The following HNRNPD variants were observed in gnomAD, a reference collection of about 807,000 sequenced individuals.
HNRNPD encodes heterogeneous nuclear ribonucleoprotein D0.
HNRNPD carries 3 observed loss-of-function variants against 47.9 expected under a neutral mutation model. The ratio of observed to expected loss-of-function variants is 0.06; its 90% CI spans 0.03 to 0.16. The LOEUF (loss-of-function observed/expected upper bound fraction) is 0.16. HNRNPD is among the 10% of genes least tolerant of loss of function. HNRNPD has a pLI of 1.00. For synonymous variants in HNRNPD, 171 were observed against 165.1 expected (o/e 1.04, Z -0.28); for missense variants, 287 against 454.2 (o/e 0.63, Z 3.35).
intron 1 of HNRNPD, among the ~76,000 whole-genome samples, chr4:82,372,457 G>T (rs183684105): frequency 6.6e-6 from 1 of 152,286 alleles, no homozygotes; most frequent in East Asian, 1.9e-4. Flanking sequence ...GAGGACTACA[G>T]GCCTCCCTTA....
At chr4:82,357,691 A>G (rs1467883816) in intron 4 of HNRNPD, 1 of 296,736 alleles carries the variant, frequency 3.4e-6, no homozygotes, top group Non-Finnish European at 6.2e-6. Context: ...TTTACTACCT[A>G]ACTCAAGGGT....
At chr4:82,371,233 T>C (rs559846930) in intron 2 of HNRNPD, among the ~76,000 whole-genome samples, 1 of 152,350 alleles carries the variant, frequency 6.6e-6, no homozygotes, top group East Asian at 1.9e-4. Flanking sequence ...ATGTGAAGAT[T>C]ACGGTAATAT....
At position 82,356,781 on chromosome 4, in the gene HNRNPD, T is replaced by C; in HGVS notation, c.853+15A>G. ...AGAAAAGCTTAAGATAGAGTAAACT[T>C]AGGCTCTAGCTTACCACCACCTCTT... On this transcript the variant is annotated intron_variant, in intron 6 of 8. Transcript: ENST00000313899. 6.2e-7 allele frequency: 1 copy of C among 1,612,452 alleles called. No individual in the cohort carries two copies. The highest frequency in any genetic ancestry group is 1.7e-4 in the Middle Eastern group (1 of 6,052).
chr4:82,371,662 T>C (rs943870435), intron 1 of HNRNPD, 78 bp from the exon 2 acceptor site: 16 of 1,140,780 alleles, frequency 1.4e-5, no homozygotes, highest in South Asian at 2.7e-5. Flanking sequence ...TTAAAAACTT[T>C]AATTCATTTA....
chr4:82,369,678 T>A (rs1578056963), intron 2 of HNRNPD, among the ~76,000 whole-genome samples: 4 of 138,566 alleles, frequency 2.9e-5, no homozygotes, highest in Non-Finnish European at 3.1e-5. Flanking sequence ...CGGTGGGGAG[T>A]GCAGACACCA....
In HNRNPD at chr4:82,368,092, C is replaced by T. The variant is rs1194697738; in HGVS notation, c.290+3436G>A. Reference sequence around the variant, plus strand: ...TGGACTAACATAAGTTATGTTTCACCCATTTGTAAATGTGCACACACTTGA... The same window carrying T: ...TGGACTAACATAAGTTATGTTTCACTCATTTGTAAATGTGCACACACTTGA... On this transcript the variant is annotated intron_variant, in intron 2 of 8. Transcript: ENST00000313899. 2.0e-5 allele frequency among the ~76,000 whole-genome samples: 3 copies of T among 152,092 alleles called. No homozygotes were observed. The East Asian group carries it at 5.8e-4, about 29-fold the overall frequency.
intron 2 of HNRNPD, among the ~76,000 whole-genome samples, chr4:82,365,099 C>G (rs1011510772): frequency 9.2e-5 from 14 of 152,230 alleles, no homozygotes; most frequent in African/African-American, 3.4e-4. Context: ...CTCTGTTACC[C>G]AGGCTAGTCA....
At chr4:82,362,579 T>A (rs952021125) in intron 2 of HNRNPD, among the ~76,000 whole-genome samples, 1 of 152,200 alleles carries the variant, frequency 6.6e-6, no homozygotes, top group African/African-American at 2.4e-5. Flanking sequence ...ATGGAACATA[T>A]TAATTCCATT....
chr4:82,369,120 T>A (rs776288027), intron 2 of HNRNPD, among the ~76,000 whole-genome samples: 1 of 152,212 alleles, frequency 6.6e-6, no homozygotes, highest in Non-Finnish European at 1.5e-5. Flanking sequence ...TTTTTAAACT[T>A]TAAAAACTCT....
Position 82,373,514 on chromosome 4 carries a change from G to A in HNRNPD, c.165C>T (p.Gly55=), listed in dbSNP as rs1232511157. The A allele has an allele frequency of 2.6e-6, 4 of 1,542,430 alleles. No homozygotes were observed. The highest frequency in any genetic ancestry group is 3.5e-6 in the Non-Finnish European group (4 of 1,143,600). The change falls in exon 1 of 9, where the codon GGC becomes GGT. Residue 55 remains glycine (G), a synonymous_variant. Coordinates refer to ENST00000313899, the MANE Select transcript of HNRNPD (RefSeq NM_031370.3). ...CCGACTCGGCGCTGCCCCCTTCGGT[G>A]CCTCCAGACGCGGTTCCGCCCCCGG... ...AGTGGGTASG[G]TEGGSAESEG...
chr4:82,355,472 T>G, intron 7 of HNRNPD, 71 bp from the exon 8 acceptor site: 1 of 1,081,828 alleles, frequency 9.2e-7, no homozygotes. Flanking sequence ...GTACCTAATT[T>G]TAAACAATCT....
At chr4:82,354,845 T>C (rs1723648848) in intron 8 of HNRNPD, 1 of 153,716 alleles carries the variant, frequency 6.5e-6, no homozygotes, top group South Asian at 2.0e-4. Flanking sequence ...AAGCTTGAAG[T>C]ATCCATTTTA....
intron 8 of HNRNPD, chr4:82,355,060 AT>A (rs1723658566): frequency 2.0e-6 from 1 of 488,356 alleles, no homozygotes; most frequent in East Asian, 3.8e-5. Flanking sequence ...TTTTGCTGCA[AT>A]TCCTTAATTT....
chr4:82,362,377 C>G (rs543760372), intron 2 of HNRNPD, among the ~76,000 whole-genome samples: 1 of 152,098 alleles, frequency 6.6e-6, no homozygotes. Context: ...CTAAGTGGCT[C>G]GTCTTTGAGA....
At chr4:82,363,727 C>A (rs1025276692) in intron 2 of HNRNPD, among the ~76,000 whole-genome samples, 1 of 152,152 alleles carries the variant, frequency 6.6e-6, no homozygotes, top group African/African-American at 2.4e-5. Flanking sequence ...ATATTCAGCA[C>A]CCCAAGGCTG....
chr4:82,363,880 T>C (rs780806414), intron 2 of HNRNPD, among the ~76,000 whole-genome samples: 2 of 152,228 alleles, frequency 1.3e-5, no homozygotes, highest in Non-Finnish European at 2.9e-5. Flanking sequence ...ATATGCAGTA[T>C]CATTCAGGAA....
intron 4 of HNRNPD, 193 bp from the exon 5 acceptor site, chr4:82,357,637 T>G (rs1723772477): frequency 4.7e-6 from 2 of 429,774 alleles, no homozygotes; most frequent in Non-Finnish European, 8.1e-6. Flanking sequence ...CCATCTAAGG[T>G]CTTCACAACT....
intron 5 of HNRNPD, 66 bp downstream of exon 5, chr4:82,357,247 A>G: frequency 6.7e-7 from 1 of 1,495,432 alleles, no homozygotes; most frequent in Non-Finnish European, 9.0e-7. Flanking sequence ...TTTACAGAGA[A>G]AGATAAATGG....
intron 2 of HNRNPD, among the ~76,000 whole-genome samples, chr4:82,368,338 G>A (rs555284218): frequency 1.3e-5 from 2 of 152,122 alleles, no homozygotes; most frequent in African/African-American, 2.4e-5. Flanking sequence ...GTATTAGGAC[G>A]ATAGCAGAGT....
Sources: gnomAD v4.1 joint callset for allele counts (sites outside exome capture counted in the v4.1 genomes callset) on GRCh38, gnomAD v4.1.1 for gene constraint, MANE v1.5 for transcripts, NCBI Gene and HGNC (gene_info 2026-07-23, HGNC 2026-07-21) for gene names.